The following SGK1 variants were observed in gnomAD, a reference collection of about 807,000 sequenced individuals.
SGK1 encodes serum/glucocorticoid regulated kinase 1.
SGK1 carries 26 observed loss-of-function variants against 64.2 expected under a neutral mutation model. That is an observed-to-expected ratio of 0.40 (90% CI 0.30 to 0.56). SGK1 has a LOEUF of 0.56. SGK1 is among the 20% of genes least tolerant of loss of function. The pLI, the probability that SGK1 is intolerant of heterozygous loss-of-function variation, is 0.38. For missense variants in SGK1, 519 were observed against 645.6 expected (o/e 0.80, Z 2.12); for synonymous variants, 265 against 239.7 (o/e 1.11, Z -0.98).
Position 134,207,276 on chromosome 6 carries a change from A to G in SGK1, c.361+80T>C, listed in dbSNP as rs553983874. On this transcript the variant is annotated intron_variant, in intron 3 of 13. Transcript: ENST00000367858. ...ACAAACAAAAAAATATTTCCCCCCAAACCTTGCCTTTGTGTAGAGCTTTAC... is the reference window on the plus strand; with the variant it reads ...ACAAACAAAAAAATATTTCCCCCCAGACCTTGCCTTTGTGTAGAGCTTTAC... The G allele has an allele frequency of 3.2e-5, 28 of 869,112 alleles. 1 individual carries two copies. Among genetic ancestry groups the G allele is most frequent in the African/African-American group, 2.1e-4 (12 of 58,460 alleles). The allele number at this position is 869,112 out of a possible 1,614,324, so 53.8% of individuals were successfully genotyped here.
intron 8 of SGK1, 38 bp downstream of exon 8, chr6:134,172,985 A>C: frequency 6.3e-7 from 1 of 1,586,748 alleles, no homozygotes; most frequent in Non-Finnish European, 8.6e-7. Context: ...CAGGCTGTGC[A>C]GAGACACTAA....
At chr6:134,187,291 G>A (rs1039348938) in intron 3 of SGK1, among the ~76,000 whole-genome samples, 1 of 152,272 alleles carries the variant, frequency 6.6e-6, no homozygotes, top group African/African-American at 2.4e-5. Flanking sequence ...AATCATTGTT[G>A]TGTCTCCGGA....
intron 1 of SGK1, among the ~76,000 whole-genome samples, chr6:134,287,261 C>G (rs1445126234): frequency 1.3e-5 from 2 of 152,190 alleles, no homozygotes; most frequent in Admixed American, 6.5e-5. Context: ...CATGAGCCAC[C>G]ACTCCCAGCC....
intron 3 of SGK1, among the ~76,000 whole-genome samples, chr6:134,195,606 A>T (rs1775583656): frequency 6.6e-6 from 1 of 152,206 alleles, no homozygotes; most frequent in African/African-American, 2.4e-5. Context: ...TAAATAACCC[A>T]TCCTTGAACT....
At chr6:134,263,167 T>C (rs569696029) in intron 1 of SGK1, among the ~76,000 whole-genome samples, 3 of 152,316 alleles carry the variant, frequency 2.0e-5, no homozygotes, top group African/African-American at 7.2e-5. Flanking sequence ...GAATTACTAG[T>C]TATTCTTACA....
chr6:134,206,359 A>T (rs1169997196), intron 3 of SGK1, among the ~76,000 whole-genome samples: 3 of 24,520 alleles, frequency 1.2e-4, no homozygotes, highest in African/African-American at 3.4e-4. Flanking sequence ...ATATATATAT[A>T]TATATATATA....
At chr6:134,228,780 C>G (rs1386130760) in intron 2 of SGK1, among the ~76,000 whole-genome samples, 1 of 151,992 alleles carries the variant, frequency 6.6e-6, no homozygotes, top group East Asian at 1.9e-4. Context: ...CCCAAGATCC[C>G]CCATGGAGAA....
Position 134,317,503 on chromosome 6 carries a change from C to T in SGK1, c.-43G>A. ...TCACAGTTATAGATCCAGGTTGGCA[C>T]CCGCCTGGTTAGTGCATATCTGTTT... On this transcript the variant is annotated 5_prime_UTR_variant, in exon 1 of 14. The change creates a new upstream start codon in the 5' untranslated region. Coordinates refer to ENST00000367858, the MANE Select transcript of SGK1 (RefSeq NM_001143676.3). The T allele has an allele frequency of 7.9e-7, 1 of 1,272,972 alleles. No individual in the cohort carries two copies. Among genetic ancestry groups the T allele is most frequent in the Non-Finnish European group, 1.2e-6 (1 of 868,484 alleles). The allele number at this position is 1,272,972 out of a possible 1,614,324, so 78.9% of individuals were successfully genotyped here. A position where few individuals can be genotyped will look rare whatever the true frequency, so the allele number is the denominator to read the frequency against.
At chr6:134,266,013 T>A (rs910481021) in intron 1 of SGK1, among the ~76,000 whole-genome samples, 7 of 151,938 alleles carry the variant, frequency 4.6e-5, no homozygotes, top group African/African-American at 1.7e-4. Flanking sequence ...AGATGGAGTC[T>A]CTGATTGTCA....
chr6:134,231,202 CA>C (rs936983440), intron 2 of SGK1, among the ~76,000 whole-genome samples: 1 of 152,012 alleles, frequency 6.6e-6, no homozygotes, highest in African/African-American at 2.4e-5. Flanking sequence ...AAAAATAAAC[CA>C]AAATCCCAAA....
In SGK1 at chr6:134,215,970, C is replaced by T. The variant is rs536271012; in HGVS notation, c.286-8539G>A. On this transcript the variant is annotated intron_variant, in intron 2 of 13. Transcript: ENST00000367858. ...GGCGGAGGTTGCAGTGAGTTGAGATCGCGCCACTGCACTCTAGCCTGGGTG... is the reference window on the plus strand; with the variant it reads ...GGCGGAGGTTGCAGTGAGTTGAGATTGCGCCACTGCACTCTAGCCTGGGTG... Among the ~76,000 whole-genome samples, 16 of 152,252 alleles carry T rather than the reference C, an allele frequency of 1.1e-4. No homozygotes were observed. In the East Asian group the frequency reaches 2.5e-3, roughly 24 times the overall value.
Position 134,170,181 on chromosome 6 carries a change from TC to T in SGK1, c.*86del. The stretch of plus-strand genomic sequence containing the variant: ...GATGTGCAAATTCTCTTGTAAGATG[TC>T]CTGTCAGCTGGCGGCTCCACCAAAA... On this transcript the variant is annotated 3_prime_UTR_variant, in exon 14 of 14. Coordinates refer to ENST00000367858, the MANE Select transcript of SGK1 (RefSeq NM_001143676.3). The T allele has an allele frequency of 1.8e-6, 2 of 1,126,026 alleles. No homozygotes were observed. Among genetic ancestry groups the T allele is most frequent in the Non-Finnish European group, 2.6e-6 (2 of 780,810 alleles). 69.8% of individuals were successfully genotyped at this position (1,126,026 alleles called of 1,614,324 possible).
intron 3 of SGK1, among the ~76,000 whole-genome samples, chr6:134,181,873 T>G (rs1775336604): frequency 6.6e-6 from 1 of 152,074 alleles, no homozygotes; most frequent in Non-Finnish European, 1.5e-5. Flanking sequence ...TTTGTTTTGT[T>G]TTGATATGGA....
At chr6:134,287,227 C>T (rs1372187771) in intron 1 of SGK1, among the ~76,000 whole-genome samples, 1 of 152,180 alleles carries the variant, frequency 6.6e-6, no homozygotes, top group East Asian at 1.9e-4. Flanking sequence ...CTGCCTCGGG[C>T]TCCCAGATAG....
intron 1 of SGK1, among the ~76,000 whole-genome samples, chr6:134,313,753 G>C (rs761306682): frequency 1.3e-5 from 2 of 152,142 alleles, no homozygotes; most frequent in African/African-American, 4.8e-5. Flanking sequence ...AAAAGGTAAT[G>C]TAATCATGGC....
chr6:134,232,413 G>GAAAAGAAAGAAAGAGAGAGAGAGAAAGAA lies in SGK1; in HGVS notation c.286-24983_286-24982insTTCTTTCTCTCTCTCTCTTTCTTTCTTTT, dbSNP rs79009962. Among the ~76,000 whole-genome samples the GAAAAGAAAGAAAGAGAGAGAGAGAAAGAA allele has an allele frequency of 2.7e-4, 13 of 47,706 alleles. 3 individuals carry two copies. The East Asian group carries it at 2.9e-3, about 10-fold the overall frequency. 31.3% of individuals were successfully genotyped at this position (47,706 alleles called of 152,430 possible). Reference sequence around the variant, plus strand: ...AAAAGAAAGAAGAAAAAGAAAGAAAGAGAAAGAAAGAAAGAAAGAAAGAAA... The same window carrying GAAAAGAAAGAAAGAGAGAGAGAGAAAGAA: ...AAAAGAAAGAAGAAAAAGAAAGAAAGAAAAGAAAGAAAGAGAGAGAGAGAAAGAAAGAAAGAAAGAAAGAAAGAAAGAAA... On this transcript the variant is annotated intron_variant, in intron 2 of 13. Transcript: ENST00000367858.
chr6:134,293,200 C>A (rs905720562), intron 1 of SGK1, among the ~76,000 whole-genome samples: 11 of 152,148 alleles, frequency 7.2e-5, no homozygotes, highest in African/African-American at 2.7e-4. Context: ...CTCACTATTA[C>A]ATTGAAAACA....
chr6:134,281,799 C>CCACCAATT (rs1481990478), intron 1 of SGK1, among the ~76,000 whole-genome samples: 1 of 152,116 alleles, frequency 6.6e-6, no homozygotes, highest in Non-Finnish European at 1.5e-5. Flanking sequence ...AGCCACCAAG[C>CCACCAATT]CTGGTCCAAT....
At chr6:134,224,753 T>C (rs979449832) in intron 2 of SGK1, among the ~76,000 whole-genome samples, 1 of 152,050 alleles carries the variant, frequency 6.6e-6, no homozygotes, top group Non-Finnish European at 1.5e-5. Flanking sequence ...CCAGGCGCAG[T>C]GTCTCACGCC....
Sources: gnomAD v4.1 joint callset for allele counts (sites outside exome capture counted in the v4.1 genomes callset) on GRCh38, gnomAD v4.1.1 for gene constraint, MANE v1.5 for transcripts, NCBI Gene and HGNC (gene_info 2026-07-23, HGNC 2026-07-21) for gene names.